ENTREP1: variants seen among roughly 807,000 people sequenced by gnomAD.
ENTREP1 encodes Friedreich ataxia region gene X123.
At chr9:69,366,997 G>A in the ENTREP1 span, among the ~76,000 whole-genome samples, 1 of 152,008 alleles carries the variant, frequency 6.6e-6, no homozygotes, top group South Asian at 2.1e-4. Flanking sequence ...GCTCACTATA[G>A]CCTTGATTTC....
chr9:69,384,181 G>A, the ENTREP1 span, among the ~76,000 whole-genome samples: 5 of 148,612 alleles, frequency 3.4e-5, no homozygotes, highest in Non-Finnish European at 7.5e-5. Flanking sequence ...AACATGGAGA[G>A]AGACCCTATT....
chr9:69,325,824 T>C, the ENTREP1 span: 25 of 1,206,982 alleles, frequency 2.1e-5, no homozygotes, highest in Admixed American at 2.2e-4. Flanking sequence ...AGGGCTGCAG[T>C]TGGGGGAGCC....
At chr9:69,384,032 G>C in the ENTREP1 span, 1 of 1,581,566 alleles carries the variant, frequency 6.3e-7, no homozygotes, top group East Asian at 2.2e-5. Flanking sequence ...CAAGGTAATA[G>C]ATACATTGTG....
the ENTREP1 span, among the ~76,000 whole-genome samples, chr9:69,355,340 A>T: frequency 6.6e-6 from 1 of 152,226 alleles, no homozygotes; most frequent in African/African-American, 2.4e-5. Context: ...AGACACATAT[A>T]TAGAAATGGA....
chr9:69,372,385 G>A, the ENTREP1 span, among the ~76,000 whole-genome samples: 4 of 152,056 alleles, frequency 2.6e-5, no homozygotes, highest in Non-Finnish European at 5.9e-5. Flanking sequence ...TTCACATTCC[G>A]TTTCTATGAA....
the ENTREP1 span, chr9:69,385,928 C>T: frequency 6.2e-7 from 1 of 1,610,204 alleles, no homozygotes; most frequent in Non-Finnish European, 8.5e-7. Context: ...ACCCTGTGCT[C>T]CATCCTTCTG....
At chr9:69,371,657 G>A in the ENTREP1 span, 1 of 1,260,724 alleles carries the variant, frequency 7.9e-7, no homozygotes, top group Non-Finnish European at 1.2e-6. Context: ...ACCCTGGCTT[G>A]TCAGGTGTTC....
At chr9:69,329,252 C>T in the ENTREP1 span, 18 of 466,650 alleles carry the variant, frequency 3.9e-5, no homozygotes, top group African/African-American at 2.7e-4. Flanking sequence ...ACTGAACCCA[C>T]ACATCTTCTT....
the ENTREP1 span, chr9:69,391,836 A>C: frequency 4.5e-6 from 7 of 1,543,376 alleles, no homozygotes; most frequent in Admixed American, 1.3e-4. Context: ...CTCCAAGGGG[A>C]AGGATCCCTC....
the ENTREP1 span, among the ~76,000 whole-genome samples, chr9:69,352,940 A>G: frequency 2.0e-5 from 3 of 152,186 alleles, no homozygotes; most frequent in Admixed American, 2.0e-4. Flanking sequence ...CTTTGAAACC[A>G]GCCTGGACAA....
At chr9:69,369,087 T>A in the ENTREP1 span, among the ~76,000 whole-genome samples, 6 of 152,146 alleles carry the variant, frequency 3.9e-5, no homozygotes, top group African/African-American at 1.4e-4. Context: ...GGTGTTTGGT[T>A]TTCTATTCCT....
At chr9:69,337,477 T>A in the ENTREP1 span, among the ~76,000 whole-genome samples, 1 of 152,200 alleles carries the variant, frequency 6.6e-6, no homozygotes, top group Admixed American at 6.5e-5. Flanking sequence ...AGACATATAC[T>A]GGTGATTTTA....
At chr9:69,340,676 T>C in the ENTREP1 span, among the ~76,000 whole-genome samples, 16 of 136,698 alleles carry the variant, frequency 1.2e-4, no homozygotes, top group African/African-American at 4.2e-4. Flanking sequence ...CGTGTGTGTG[T>C]GCATGCATGT....
the ENTREP1 span, among the ~76,000 whole-genome samples, chr9:69,384,487 G>A: frequency 6.6e-6 from 1 of 152,142 alleles, no homozygotes; most frequent in Non-Finnish European, 1.5e-5. Flanking sequence ...AAATTAGCTA[G>A]ACTTTTGTCA....
chr9:69,386,017 G>A, the ENTREP1 span: 2 of 1,473,016 alleles, frequency 1.4e-6, no homozygotes, highest in Non-Finnish European at 1.8e-6. Context: ...GTGAAGGCAG[G>A]TGGCTCTGGC....
chr9:69,342,092 T>C, the ENTREP1 span, among the ~76,000 whole-genome samples: 3 of 152,204 alleles, frequency 2.0e-5, no homozygotes, highest in Admixed American at 2.0e-4. Flanking sequence ...TAAACTGAAA[T>C]ACTATGATTA....
the ENTREP1 span, among the ~76,000 whole-genome samples, chr9:69,370,692 T>C: frequency 6.6e-6 from 1 of 152,208 alleles, no homozygotes; most frequent in Non-Finnish European, 1.5e-5. Flanking sequence ...AGAACAGGGT[T>C]TCTCCCTTAG....
At chr9:69,349,841 A>G in the ENTREP1 span, among the ~76,000 whole-genome samples, 1 of 152,226 alleles carries the variant, frequency 6.6e-6, no homozygotes. Flanking sequence ...AGTATTACAT[A>G]TCTCATGTAA....
chr9:69,336,931 C>T, the ENTREP1 span, among the ~76,000 whole-genome samples: 2 of 151,092 alleles, frequency 1.3e-5, no homozygotes, highest in Admixed American at 1.3e-4. Context: ...AACTCCTGAC[C>T]TCGTGATCCT....
Sources: gnomAD v4.1 joint callset for allele counts (sites outside exome capture counted in the v4.1 genomes callset) on GRCh38, gnomAD v4.1.1 for gene constraint, MANE v1.5 for transcripts, NCBI Gene and HGNC (gene_info 2026-07-23, HGNC 2026-07-21) for gene names.